The following FSTL4 variants were observed in gnomAD, a reference collection of about 807,000 sequenced individuals.
FSTL4 encodes the protein follistatin like 4.
FSTL4 carries 28 observed loss-of-function variants against 78.2 expected under a neutral mutation model. That is an observed-to-expected ratio of 0.36 (90% CI 0.27 to 0.49). FSTL4 has a LOEUF of 0.49. Ranked by LOEUF, FSTL4 falls within the 20% of genes least tolerant of loss-of-function variation. The pLI is 0.98. For missense variants in FSTL4, 922 were observed against 1,084.9 expected (o/e 0.85, Z 2.11); for synonymous variants, 422 against 440.5 (o/e 0.96, Z 0.53).
In FSTL4 at chr5:133,612,353, C is replaced by T. The variant is rs1761116798; in HGVS notation, c.-39G>A. 2 of 151,030 alleles carry T rather than the reference C, an allele frequency of 1.3e-5. No homozygotes were observed. The highest frequency in any genetic ancestry group is 4.8e-5 in the African/African-American group (2 of 41,260). 9.4% of individuals were successfully genotyped at this position (151,030 alleles called of 1,614,324 possible). ...AGACGGCCGGGGCCGAGGGGAAGAC[C>T]AGGTGGCCGGACTTGGGCGGGAGGG... On this transcript the variant is annotated 5_prime_UTR_variant, in exon 1 of 16. Coordinates refer to ENST00000265342, the MANE Select transcript of FSTL4 (RefSeq NM_015082.2). The surrounding 1 kb of genome is among the most constrained non-coding windows in gnomAD (Gnocchi z 6.2).
At chr5:133,643,896 T>A in the FSTL4 span, among the ~76,000 whole-genome samples, 2 of 152,184 alleles carry the variant, frequency 1.3e-5, no homozygotes, top group Non-Finnish European at 2.9e-5. Flanking sequence ...CGGGAGAGGA[T>A]GAAACAGCAT....
At chr5:133,581,230 G>A (rs1051509277) in intron 2 of FSTL4, among the ~76,000 whole-genome samples, 6 of 152,166 alleles carry the variant, frequency 3.9e-5, no homozygotes, top group Non-Finnish European at 8.8e-5. Context: ...GAGTCAAAAG[G>A]AAGAAAGGCC....
intron 6 of FSTL4, among the ~76,000 whole-genome samples, chr5:133,268,699 C>A (rs1752695971): frequency 1.3e-5 from 2 of 152,284 alleles, no homozygotes; most frequent in South Asian, 4.1e-4. Context: ...AGACAAGAGC[C>A]AGTCACTTTT....
the FSTL4 span, among the ~76,000 whole-genome samples, chr5:133,649,564 G>A: frequency 3.3e-5 from 5 of 152,162 alleles, no homozygotes; most frequent in Non-Finnish European, 5.9e-5. Context: ...TAAGTGTGTA[G>A]TGATATCTCA....
At chr5:133,354,995 C>T (rs559902562) in intron 4 of FSTL4, among the ~76,000 whole-genome samples, 2 of 152,234 alleles carry the variant, frequency 1.3e-5, no homozygotes, top group Admixed American at 6.5e-5. Flanking sequence ...TCTAGGAAGC[C>T]CTGCTGTCAG....
chr5:133,800,930 G>A, the FSTL4 span, among the ~76,000 whole-genome samples: 6 of 152,070 alleles, frequency 3.9e-5, no homozygotes, highest in East Asian at 1.9e-4. Flanking sequence ...AGCAGGCACC[G>A]GTGGGAGGTG....
chr5:133,795,835 T>C, the FSTL4 span, among the ~76,000 whole-genome samples: 1 of 152,204 alleles, frequency 6.6e-6, no homozygotes, highest in Non-Finnish European at 1.5e-5. Flanking sequence ...GAACCTCCAA[T>C]GAGTAAGGGA....
chr5:133,822,533 G>C, the FSTL4 span, among the ~76,000 whole-genome samples: 1 of 152,156 alleles, frequency 6.6e-6, no homozygotes, highest in African/African-American at 2.4e-5. Flanking sequence ...TGAGATGGGA[G>C]AGTAGACTTT....
chr5:133,293,570 T>C (rs1407798020), intron 6 of FSTL4, among the ~76,000 whole-genome samples: 1 of 152,200 alleles, frequency 6.6e-6, no homozygotes, highest in Non-Finnish European at 1.5e-5. Flanking sequence ...GACTGAGTTC[T>C]GGCCAGTGGA....
intron 3 of FSTL4, among the ~76,000 whole-genome samples, chr5:133,514,512 A>T (rs1758814490): frequency 6.6e-6 from 1 of 152,242 alleles, no homozygotes; most frequent in Non-Finnish European, 1.5e-5. Context: ...AAAGGAGCAG[A>T]TGTGCAGGGC....
chr5:133,379,869 G>T (rs1071116), intron 4 of FSTL4, among the ~76,000 whole-genome samples: 85,969 of 151,812 alleles, frequency 0.57, 26,016 homozygotes, highest in Middle Eastern at 0.71. Context: ...AAGGTCAAGA[G>T]ATCGAGACCA....
intron 2 of FSTL4, among the ~76,000 whole-genome samples, 176 bp from the exon 3 acceptor site, chr5:133,567,395 A>C (rs967093725): frequency 1.3e-5 from 2 of 152,256 alleles, no homozygotes; most frequent in African/African-American, 4.8e-5. Flanking sequence ...TATAAATGTA[A>C]ACAACTTGTT....
At chr5:133,765,685 A>G in the FSTL4 span, among the ~76,000 whole-genome samples, 3 of 152,228 alleles carry the variant, frequency 2.0e-5, no homozygotes, top group East Asian at 3.8e-4. Context: ...GCACAGTGGA[A>G]GAGGGAGGCT....
the FSTL4 span, among the ~76,000 whole-genome samples, chr5:133,619,477 G>C: frequency 6.6e-6 from 1 of 152,164 alleles, no homozygotes; most frequent in Non-Finnish European, 1.5e-5. Flanking sequence ...TTATTTGAAT[G>C]GCTTCAGGCA....
intron 6 of FSTL4, among the ~76,000 whole-genome samples, chr5:133,263,202 G>A (rs576216394): frequency 1.3e-5 from 2 of 152,268 alleles, no homozygotes; most frequent in East Asian, 3.9e-4. Context: ...GCAGAGTTCT[G>A]TCTTTAACCA....
intron 6 of FSTL4, among the ~76,000 whole-genome samples, chr5:133,250,356 C>T (rs888740296): frequency 2.0e-5 from 3 of 152,146 alleles, no homozygotes; most frequent in Non-Finnish European, 4.4e-5. Context: ...TGGGATCAGG[C>T]TTTGGGGGAC....
chr5:133,791,893 T>A, the FSTL4 span, among the ~76,000 whole-genome samples: 1 of 152,360 alleles, frequency 6.6e-6, no homozygotes, highest in Non-Finnish European at 1.5e-5. Flanking sequence ...CTGTCCTACA[T>A]TCCCACTGAT....
At chr5:133,756,953 A>G in the FSTL4 span, among the ~76,000 whole-genome samples, 28 of 152,154 alleles carry the variant, frequency 1.8e-4, no homozygotes, top group Non-Finnish European at 3.8e-4. Context: ...CCCGCCCCAG[A>G]CAATGGTCTC....
chr5:133,450,816 T>C (rs780040468), intron 3 of FSTL4, among the ~76,000 whole-genome samples: 13 of 152,178 alleles, frequency 8.5e-5, no homozygotes, highest in Non-Finnish European at 1.8e-4. Context: ...ATCAGGGAGC[T>C]GGAGCATTCA....
Sources: allele counts gnomAD v4.1 joint callset (sites outside exome capture counted in the v4.1 genomes callset), GRCh38; gene constraint gnomAD v4.1.1; non-coding constraint Gnocchi (gnomAD v3.1); transcripts MANE v1.5; gene names NCBI Gene and HGNC (gene_info 2026-07-23, HGNC 2026-07-21).